ERC2: variants seen among roughly 807,000 people sequenced by gnomAD.
ERC2 encodes ERC protein 2.
ERC2 carries 42 observed loss-of-function variants against 114.8 expected under a neutral mutation model. That is an observed-to-expected ratio of 0.37 (90% CI 0.29 to 0.47). The LOEUF (loss-of-function observed/expected upper bound fraction) is 0.47. Ranked by LOEUF, ERC2 falls within the 20% of genes least tolerant of loss-of-function variation. The pLI is 0.99. For missense variants in ERC2, 939 were observed against 1,150.7 expected (o/e 0.82, Z 2.66); for synonymous variants, 454 against 425.5 (o/e 1.07, Z -0.82).
intron 17 of ERC2, among the ~76,000 whole-genome samples, chr3:55,582,348 A>C (rs570146295): frequency 6.6e-6 from 1 of 152,298 alleles, no homozygotes; most frequent in South Asian, 2.1e-4. Flanking sequence ...GGATAGATGG[A>C]TGGATGCACT....
intron 5 of ERC2, among the ~76,000 whole-genome samples, chr3:56,143,553 C>T (rs1218162500): frequency 6.6e-6 from 1 of 152,190 alleles, no homozygotes; most frequent in Non-Finnish European, 1.5e-5. Flanking sequence ...CCATGTAAGA[C>T]ATGACTTTGT....
At chr3:56,128,305 C>A (rs2080004141) in intron 6 of ERC2, among the ~76,000 whole-genome samples, 2 of 152,044 alleles carry the variant, frequency 1.3e-5, no homozygotes, top group African/African-American at 4.8e-5. Context: ...AGCTTATTTT[C>A]AATAATCATA....
intron 6 of ERC2, among the ~76,000 whole-genome samples, chr3:56,101,651 G>C (rs1244261174): frequency 1.3e-5 from 2 of 152,180 alleles, no homozygotes; most frequent in East Asian, 3.9e-4. Context: ...CCTGAAAAAT[G>C]TAAGTGGCAG....
At chr3:56,195,689 C>T (rs1190716293) in intron 3 of ERC2, among the ~76,000 whole-genome samples, 1 of 151,876 alleles carries the variant, frequency 6.6e-6, no homozygotes, top group Non-Finnish European at 1.5e-5. Flanking sequence ...ATTATCTGGG[C>T]ATGGTGGTGT....
intron 6 of ERC2, among the ~76,000 whole-genome samples, chr3:56,118,633 T>TTGC (rs1560203428): frequency 4.9e-5 from 7 of 141,660 alleles, no homozygotes; most frequent in Non-Finnish European, 1.1e-4. Flanking sequence ...TAATATTCCT[T>TTGC]TTCTTTTTTT....
intron 6 of ERC2, among the ~76,000 whole-genome samples, chr3:56,117,364 T>C (rs895980936): frequency 3.3e-5 from 5 of 152,226 alleles, no homozygotes; most frequent in Non-Finnish European, 1.5e-5. Flanking sequence ...CATGTCAATA[T>C]GAATTTTACA....
At chr3:55,974,261 T>C (rs1477279401) in intron 12 of ERC2, among the ~76,000 whole-genome samples, 2 of 152,202 alleles carry the variant, frequency 1.3e-5, no homozygotes, top group Non-Finnish European at 2.9e-5. Flanking sequence ...ACAGTGTGAT[T>C]ACTAGCCGGA....
chr3:55,777,429 G>A (rs2068710540), intron 14 of ERC2, among the ~76,000 whole-genome samples: 1 of 152,194 alleles, frequency 6.6e-6, no homozygotes, highest in African/African-American at 2.4e-5. Flanking sequence ...ACCATCTCTA[G>A]ATAGAAAGTC....
At chr3:55,621,034 T>C (rs2059303643) in intron 17 of ERC2, among the ~76,000 whole-genome samples, 1 of 152,210 alleles carries the variant, frequency 6.6e-6, no homozygotes. Context: ...ATATGAAAGA[T>C]GGTTGCATGC....
rs572559667 is a variant in ERC2 at position 55,833,823 on chromosome 3, TAA to T, written c.2564+54564_2564+54565del. Among the ~76,000 whole-genome samples, 351 of 152,288 alleles carry T rather than the reference TAA, an allele frequency of 2.3e-3. 3 individuals are homozygous for T. Among genetic ancestry groups the T allele is most frequent in the South Asian group, 3.9e-3 (19 of 4,828 alleles). On this transcript the variant is annotated intron_variant, in intron 14 of 17. Coordinates refer to ENST00000288221, the MANE Select transcript of ERC2 (RefSeq NM_015576.3). ...AAAAGACACAGACTGGCAAACTGGA[TAA>T]AGAGTCAAGACCCATCTGTCTGCTG...
intron 2 of ERC2, 180 bp downstream of exon 2, chr3:56,434,171 C>T (rs910406878): frequency 6.4e-6 from 3 of 470,630 alleles, no homozygotes; most frequent in African/African-American, 4.0e-5. Context: ...AAGGAAATTA[C>T]AAGCTGTAAT....
At chr3:55,648,589 AG>A (rs1469620223) in intron 17 of ERC2, among the ~76,000 whole-genome samples, 1 of 152,220 alleles carries the variant, frequency 6.6e-6, no homozygotes, top group Non-Finnish European at 1.5e-5. Context: ...GTTGTCCCTG[AG>A]CAGAGGAGTC....
At chr3:55,625,861 A>G (rs1490475310) in intron 17 of ERC2, among the ~76,000 whole-genome samples, 1 of 152,242 alleles carries the variant, frequency 6.6e-6, no homozygotes, top group Non-Finnish European at 1.5e-5. Flanking sequence ...AGTGAAATAC[A>G]GGGCGCATTA....
intron 17 of ERC2, among the ~76,000 whole-genome samples, chr3:55,670,701 A>G (rs963534434): frequency 4.6e-5 from 7 of 152,354 alleles, no homozygotes; most frequent in African/African-American, 1.7e-4. Flanking sequence ...CATCAGGATG[A>G]ACAAGATGAC....
At chr3:56,313,825 G>A (rs889607780) in intron 2 of ERC2, among the ~76,000 whole-genome samples, 107 of 152,288 alleles carry the variant, frequency 7.0e-4, no homozygotes, top group African/African-American at 2.4e-3. Context: ...GTTGCTTAAA[G>A]GTCCACAGCA....
chr3:56,049,869 T>C (rs1317660683), intron 7 of ERC2, among the ~76,000 whole-genome samples: 1 of 151,634 alleles, frequency 6.6e-6, no homozygotes, highest in African/African-American at 2.4e-5. Context: ...TGTATCCTAT[T>C]GGTTCTGTCC....
chr3:55,995,098 G>T (rs1226195631), intron 10 of ERC2, among the ~76,000 whole-genome samples: 14 of 152,180 alleles, frequency 9.2e-5, no homozygotes, highest in Non-Finnish European at 1.5e-5. Context: ...ACTTTGGGAG[G>T]CCAAGGTGGG....
chr3:55,813,348 C>A (rs2059794959), intron 14 of ERC2, among the ~76,000 whole-genome samples: 2 of 152,176 alleles, frequency 1.3e-5, no homozygotes, highest in South Asian at 4.1e-4. Context: ...CACTCAGAGG[C>A]CACGTGGAGC....
chr3:56,308,788 C>T lies in ERC2; in HGVS notation c.658-12353G>A, dbSNP rs544971322. Among the ~76,000 whole-genome samples the T allele has an allele frequency of 1.3e-4, 19 of 144,308 alleles. 1 individual carries two copies. The East Asian group carries it at 1.8e-3, about 13-fold the overall frequency. 94.7% of individuals were successfully genotyped at this position (144,308 alleles called of 152,430 possible). Reference sequence around the variant, plus strand: ...TATGAATTGGCTTATATCCAAAAGTCGTGAAGTTTTTTTTTTTAATAAATC... The same window carrying T: ...TATGAATTGGCTTATATCCAAAAGTTGTGAAGTTTTTTTTTTTAATAAATC... On this transcript the variant is annotated intron_variant, in intron 2 of 17. Transcript: ENST00000288221.
Sources: allele counts gnomAD v4.1 joint callset (sites outside exome capture counted in the v4.1 genomes callset), GRCh38; gene constraint gnomAD v4.1.1; transcripts MANE v1.5; gene names NCBI Gene and HGNC (gene_info 2026-07-23, HGNC 2026-07-21).